The following SORBS2 variants were observed in gnomAD, a reference collection of about 807,000 sequenced individuals.
SORBS2 encodes the protein sorbin and SH3 domain-containing protein 2.
Under a neutral mutation model 97.7 loss-of-function variants are expected in SORBS2, and 46 were observed. The ratio of observed to expected loss-of-function variants is 0.47; its 90% CI spans 0.37 to 0.60. The LOEUF is 0.60. Among genes scored for constraint, SORBS2 ranks in the 20% least tolerant of loss-of-function variants. The pLI, the probability that SORBS2 is intolerant of heterozygous loss-of-function variation, is 0.00. For synonymous variants in SORBS2, 476 were observed against 473.4 expected, an observed-to-expected ratio of 1.01 and a Z score of -0.07; for missense variants, 1,316 against 1,282.3, an observed-to-expected ratio of 1.03 and a Z score of -0.40.
intron 2 of SORBS2, among the ~76,000 whole-genome samples, chr4:185,759,483 T>C (rs2098851813): frequency 6.6e-6 from 1 of 152,192 alleles, no homozygotes; most frequent in Non-Finnish European, 1.5e-5. Flanking sequence ...ACAAAGGATA[T>C]TGCATATTTA....
intron 12 of SORBS2, among the ~76,000 whole-genome samples, chr4:185,603,889 C>G (rs2096339458): frequency 6.6e-6 from 1 of 152,164 alleles, no homozygotes; most frequent in Non-Finnish European, 1.5e-5. Context: ...CTTCCCACAT[C>G]CTCATGAATT....
intron 12 of SORBS2, among the ~76,000 whole-genome samples, chr4:185,599,794 G>A (rs948102886): frequency 4.6e-5 from 7 of 152,164 alleles, no homozygotes; most frequent in African/African-American, 1.4e-4. Context: ...ACCTAAAAGG[G>A]AAGCACATCA....
intron 4 of SORBS2, among the ~76,000 whole-genome samples, chr4:185,676,495 T>C (rs183742777): frequency 1.2e-4 from 18 of 152,334 alleles, no homozygotes; most frequent in African/African-American, 4.3e-4. Flanking sequence ...AATTAAGTTT[T>C]AGTGAAAATG....
intron 1 of SORBS2, among the ~76,000 whole-genome samples, chr4:185,906,864 G>A (rs1357440819): frequency 1.3e-5 from 2 of 152,190 alleles, no homozygotes; most frequent in African/African-American, 2.4e-5. Context: ...AGTGCCTCAC[G>A]CCTGTAATCC....
At chr4:185,938,393 CA>C (rs1271460585) in intron 1 of SORBS2, among the ~76,000 whole-genome samples, 8 of 76,190 alleles carry the variant, frequency 1.1e-4, no homozygotes, top group African/African-American at 3.7e-4. Flanking sequence ...GACACATACA[CA>C]CACACACACA....
intron 1 of SORBS2, among the ~76,000 whole-genome samples, chr4:185,943,010 A>G (rs560014940): frequency 6.6e-6 from 1 of 152,230 alleles, no homozygotes; most frequent in African/African-American, 2.4e-5. Flanking sequence ...TTCCACAGAT[A>G]ATCTGTTTGA....
chr4:185,665,378 A>G (rs2153478658), intron 4 of SORBS2, among the ~76,000 whole-genome samples: 1 of 152,350 alleles, frequency 6.6e-6, no homozygotes, highest in Middle Eastern at 3.4e-3. Context: ...ATGTATTAAT[A>G]CTGGGTTAAA....
chr4:185,955,215 A>C (rs2099279024), intron 1 of SORBS2, among the ~76,000 whole-genome samples: 1 of 152,172 alleles, frequency 6.6e-6, no homozygotes, highest in Non-Finnish European at 1.5e-5. Context: ...TCCCCGAGAA[A>C]ACACTTTCTC....
At chr4:185,670,909 C>T (rs531231805) in intron 4 of SORBS2, among the ~76,000 whole-genome samples, 22 of 152,258 alleles carry the variant, frequency 1.4e-4, no homozygotes, top group Admixed American at 1.2e-3. Flanking sequence ...ATTTGAATTA[C>T]GTGACACTGA....
In SORBS2 at chr4:185,656,660, C is replaced by T. The variant is rs748110480; in HGVS notation, c.-22G>A. The T allele has an allele frequency of 5.8e-6, 9 of 1,550,942 alleles. No individual in the cohort carries two copies. In the African/African-American group the frequency reaches 1.1e-4, roughly 19 times the overall value. On this transcript the variant is annotated 5_prime_UTR_variant, in exon 1 of 15. Coordinates refer to ENST00000418609, the Ensembl canonical transcript of SORBS2. ...TCATCCTGTCCCCGGCTTCCTTCTC[C>T]CGGCTGGCACAAGCCTTCTCTTCCA... is the stretch of plus-strand genomic sequence containing the variant.
intron 1 of SORBS2, among the ~76,000 whole-genome samples, chr4:185,823,217 A>G (rs1036913691): frequency 2.0e-5 from 3 of 152,138 alleles, no homozygotes; most frequent in African/African-American, 7.2e-5. Context: ...CCTCAAAATC[A>G]TCTTTGGAGA....
intron 1 of SORBS2, chr4:185,918,571 C>T (rs911053054): frequency 6.6e-6 from 1 of 152,152 alleles, no homozygotes; most frequent in Non-Finnish European, 1.5e-5. Flanking sequence ...CTTTATTCAC[C>T]CAGCCCTTCC....
At chr4:185,759,303 G>A (rs1021884579) in intron 2 of SORBS2, among the ~76,000 whole-genome samples, 3 of 152,206 alleles carry the variant, frequency 2.0e-5, no homozygotes, top group African/African-American at 4.8e-5. Flanking sequence ...CAACCAGAAG[G>A]AGTTGCTTGC....
chr4:185,676,006 T>C (rs2097784882), intron 4 of SORBS2, among the ~76,000 whole-genome samples: 1 of 152,222 alleles, frequency 6.6e-6, no homozygotes, highest in South Asian at 2.1e-4. Context: ...ATGTTTTGGA[T>C]GATCTTTATT....
At chr4:185,832,285 T>G (rs189021506) in intron 1 of SORBS2, among the ~76,000 whole-genome samples, 1 of 152,204 alleles carries the variant, frequency 6.6e-6, no homozygotes, top group Admixed American at 6.5e-5. Context: ...CTGTTACATA[T>G]CTATAAAAAA....
At chr4:185,919,656 A>T (rs1354540341) in intron 1 of SORBS2, among the ~76,000 whole-genome samples, 1 of 152,258 alleles carries the variant, frequency 6.6e-6, no homozygotes, top group East Asian at 1.9e-4. Context: ...ATCAGAAAAG[A>T]AGCAACTTGA....
At chr4:185,812,628 G>A (rs896766471) in intron 1 of SORBS2, among the ~76,000 whole-genome samples, 1 of 152,148 alleles carries the variant, frequency 6.6e-6, no homozygotes, top group Admixed American at 6.6e-5. Flanking sequence ...CTGCAAACGG[G>A]AGAGTTACAC....
At chr4:185,916,513 C>A (rs959220500) in intron 1 of SORBS2, among the ~76,000 whole-genome samples, 3 of 152,204 alleles carry the variant, frequency 2.0e-5, no homozygotes, top group African/African-American at 7.2e-5. Flanking sequence ...CATTAGCCAA[C>A]TGACTCAATA....
chr4:185,718,201 A>C (rs1342950296), intron 2 of SORBS2, among the ~76,000 whole-genome samples: 2 of 152,126 alleles, frequency 1.3e-5, no homozygotes, highest in Non-Finnish European at 2.9e-5. Flanking sequence ...ATTGCACTTC[A>C]GCCTGGGTGT....
Sources: allele counts gnomAD v4.1 joint callset (sites outside exome capture counted in the v4.1 genomes callset), GRCh38; gene constraint gnomAD v4.1.1; transcripts MANE v1.5; gene names NCBI Gene and HGNC (gene_info 2026-07-23, HGNC 2026-07-21).